The following CDH13 variants were observed in gnomAD, a reference collection of about 807,000 sequenced individuals.
CDH13 encodes the protein cadherin-13.
In CDH13, 24 loss-of-function variants were observed where a neutral mutation model predicts 63.8. That is an observed-to-expected ratio of 0.38 (90% confidence interval 0.27 to 0.53). CDH13 has a LOEUF of 0.53. Among genes scored for constraint, CDH13 ranks in the 20% least tolerant of loss-of-function variants. The pLI is 0.85. For synonymous variants in CDH13, 503 were observed against 355.3 expected (o/e 1.42, Z -4.67); for missense variants, 1,049 against 903.1 (o/e 1.16, Z -2.07).
chr16:82,645,507 G>T (rs954662670), intron 1 of CDH13, among the ~76,000 whole-genome samples: 1 of 152,024 alleles, frequency 6.6e-6, no homozygotes, highest in Non-Finnish European at 1.5e-5. Context: ...TGGGCATCTA[G>T]TGGGCAGAGC....
chr16:83,501,990 C>T (rs772814787), intron 7 of CDH13, among the ~76,000 whole-genome samples: 11 of 152,174 alleles, frequency 7.2e-5, no homozygotes, highest in Non-Finnish European at 1.5e-4. Context: ...AATCTGAGCT[C>T]TGCATCTTAT....
At chr16:82,974,467 T>C (rs1909216539) in intron 2 of CDH13, among the ~76,000 whole-genome samples, 1 of 152,128 alleles carries the variant, frequency 6.6e-6, no homozygotes, top group Non-Finnish European at 1.5e-5. Flanking sequence ...TGCCCAGAAA[T>C]GGAATTTCTG....
chr16:83,142,167 T>TTG (rs2036562288), intron 4 of CDH13, among the ~76,000 whole-genome samples: 5 of 149,130 alleles, frequency 3.4e-5, no homozygotes, highest in Admixed American at 3.3e-4. Context: ...TTTGTTTTTT[T>TTG]TTTTTTTTTT....
chr16:83,318,603 G>A (rs575839898), intron 5 of CDH13, among the ~76,000 whole-genome samples: 6 of 152,274 alleles, frequency 3.9e-5, no homozygotes, highest in East Asian at 3.9e-4. Context: ...TCTGTGGCAC[G>A]TTGATGCCTA....
chr16:82,722,823 T>A (rs2032864214), intron 1 of CDH13, among the ~76,000 whole-genome samples: 1 of 152,190 alleles, frequency 6.6e-6, no homozygotes, highest in Non-Finnish European at 1.5e-5. Flanking sequence ...ATAAGCCTTT[T>A]TCACGTGAGC....
intron 2 of CDH13, among the ~76,000 whole-genome samples, chr16:82,974,526 C>A (rs1312457639): frequency 6.6e-6 from 1 of 152,154 alleles, no homozygotes; most frequent in South Asian, 2.1e-4. Flanking sequence ...TATCCACATT[C>A]TAATACCTAG....
intron 2 of CDH13, among the ~76,000 whole-genome samples, chr16:82,958,520 G>C (rs1906466404): frequency 6.6e-6 from 1 of 152,208 alleles, no homozygotes; most frequent in Non-Finnish European, 1.5e-5. Flanking sequence ...GGTTCACCAA[G>C]ATGGAAAACA....
chr16:83,222,360 A>T (rs1896175333), intron 5 of CDH13, among the ~76,000 whole-genome samples: 3 of 152,162 alleles, frequency 2.0e-5, no homozygotes, highest in Non-Finnish European at 4.4e-5. Context: ...CCCTATTCTA[A>T]CCCATCTGTA....
chr16:82,706,315 TAAG>T (rs2031486158), intron 1 of CDH13, among the ~76,000 whole-genome samples: 1 of 151,982 alleles, frequency 6.6e-6, no homozygotes, highest in Non-Finnish European at 1.5e-5. Context: ...GTTAACAAGA[TAAG>T]AAAAATGGCC....
In CDH13 at chr16:83,090,588, A is replaced by T. The variant is rs528642624; in HGVS notation, c.367-34797A>T. ...AACTGCATCTCAAAAAAAAAAAAAAAAATAAGTGCTTGTCTCTGCTCAAAG... is the reference window on the plus strand; with the variant it reads ...AACTGCATCTCAAAAAAAAAAAAAATAATAAGTGCTTGTCTCTGCTCAAAG... On this transcript the variant is annotated intron_variant, in intron 3 of 13. Coordinates refer to ENST00000567109, the MANE Select transcript of CDH13 (RefSeq NM_001257.5). Among the ~76,000 whole-genome samples the T allele has an allele frequency of 1.2e-4, 18 of 151,330 alleles. No individual in the cohort carries two copies. In the East Asian group the frequency reaches 2.2e-3, roughly 18 times the overall value.
At chr16:83,717,291 G>T (rs1909063263) in intron 10 of CDH13, among the ~76,000 whole-genome samples, 1 of 152,208 alleles carries the variant, frequency 6.6e-6, no homozygotes. Context: ...TGAGGCAAAT[G>T]AAGACTTGTA....
At chr16:82,779,349 T>C (rs1001463989) in intron 1 of CDH13, among the ~76,000 whole-genome samples, 1 of 152,194 alleles carries the variant, frequency 6.6e-6, no homozygotes, top group African/African-American at 2.4e-5. Flanking sequence ...CACAGAACTA[T>C]CCAGCCAGAA....
At position 83,058,422 on chromosome 16, in the gene CDH13, A is replaced by G. The variant is rs989223540; in HGVS notation, c.366+26204A>G. Among the ~76,000 whole-genome samples, 7 of 152,198 alleles carry G rather than the reference A, an allele frequency of 4.6e-5. No homozygotes were observed. In the East Asian group the frequency reaches 5.8e-4, roughly 13 times the overall value. On this transcript the variant is annotated intron_variant, in intron 3 of 13. Coordinates refer to ENST00000567109, the MANE Select transcript of CDH13 (RefSeq NM_001257.5). ...CGGTTTGGTGTTCCTATGTTTCAAC[A>G]TGGGGGTACCAAATAATTCATTTCC...
chr16:83,520,609 T>C (rs556891766), intron 7 of CDH13, among the ~76,000 whole-genome samples: 3 of 152,340 alleles, frequency 2.0e-5, no homozygotes, highest in African/African-American at 7.2e-5. Context: ...AGGTTCTTGT[T>C]TGCATATAAT....
At chr16:83,226,119 C>T (rs956011609) in intron 5 of CDH13, among the ~76,000 whole-genome samples, 1 of 152,138 alleles carries the variant, frequency 6.6e-6, no homozygotes, top group Non-Finnish European at 1.5e-5. Flanking sequence ...TGTTCACAGC[C>T]CCTCCCTACC....
intron 3 of CDH13, among the ~76,000 whole-genome samples, chr16:83,125,134 A>T (rs1355084547): frequency 6.6e-6 from 1 of 152,228 alleles, no homozygotes; most frequent in African/African-American, 2.4e-5. Context: ...GTAAATCAAG[A>T]CTGTCATTGT....
chr16:83,145,809 C>T (rs1222415114), intron 4 of CDH13, among the ~76,000 whole-genome samples: 1 of 152,104 alleles, frequency 6.6e-6, no homozygotes, highest in African/African-American at 2.4e-5. Flanking sequence ...AATCTTTCAC[C>T]TTCTACTGCA....
At chr16:83,779,406 CAAAAAAAAAAAAAAAA>C (rs144757645) in intron 11 of CDH13, among the ~76,000 whole-genome samples, 5 of 82,552 alleles carry the variant, frequency 6.1e-5, no homozygotes, top group African/African-American at 2.8e-4. Flanking sequence ...GACTCCATCT[CAAAAAAAAAAAAAAAA>C]AAAAAAAAAA....
At chr16:83,178,618 T>G (rs1428499071) in intron 4 of CDH13, among the ~76,000 whole-genome samples, 4 of 152,248 alleles carry the variant, frequency 2.6e-5, no homozygotes, top group Non-Finnish European at 5.9e-5. Flanking sequence ...CTTTGTGAAT[T>G]CTGTTAGCTG....
Sources: allele counts gnomAD v4.1 joint callset (sites outside exome capture counted in the v4.1 genomes callset), GRCh38; gene constraint gnomAD v4.1.1; transcripts MANE v1.5; gene names NCBI Gene and HGNC (gene_info 2026-07-23, HGNC 2026-07-21).